Variants in IFI16 observed in about 807,000 individuals in gnomAD.
IFI16 encodes interferon gamma inducible protein 16.
Under a neutral mutation model 68.4 loss-of-function variants are expected in IFI16, and 49 were observed. The observed-to-expected ratio is 0.72, with a 90% CI of 0.57 to 0.91. The LOEUF is 0.91. IFI16 is among the 40% of genes least tolerant of loss of function. The pLI is 0.00. For missense variants in IFI16, 878 were observed against 942.9 expected, an observed-to-expected ratio of 0.93 and a Z score of 0.90; for synonymous variants, 307 against 315.0, an observed-to-expected ratio of 0.97 and a Z score of 0.27.
At chr1:159,030,375 T>A (rs1557872088) in intron 6 of IFI16, among the ~76,000 whole-genome samples, 1 of 152,312 alleles carries the variant, frequency 6.6e-6, no homozygotes, top group South Asian at 2.1e-4. Context: ...GAACCTTGTT[T>A]TGACATATTA....
intron 1 of IFI16, 25 bp from the exon 2 acceptor site, chr1:159,014,636 C>T (rs780347316): frequency 6.8e-7 from 1 of 1,480,350 alleles, no homozygotes; most frequent in Admixed American, 2.0e-5. Context: ...ATGTGTAACA[C>T]TGTATATACC....
intron 6 of IFI16, among the ~76,000 whole-genome samples, chr1:159,022,837 G>A (rs964016870): frequency 9.9e-5 from 15 of 152,232 alleles, no homozygotes; most frequent in Admixed American, 2.0e-4. Context: ...CTAATTAGAT[G>A]GGGAGGAAAG....
rs183364085 is a variant in IFI16, at chr1:159,018,541, T to G, written c.862T>G (p.Phe288Val). 3 of 1,613,864 alleles carry G rather than the reference T, an allele frequency of 1.9e-6. No homozygotes were observed. Among genetic ancestry groups the G allele is most frequent in the Non-Finnish European group, 1.7e-6 (2 of 1,179,776 alleles). The stretch of plus-strand genomic sequence containing the variant: ...ATCTGAAGCTGGTCCTAACCAAACG[T>G]TTGAGGTTCCAAATAAAATCATCAA... ...TVSEAGPNQTFEVPNKIINRA... is the reference protein window; with the variant it reads ...TVSEAGPNQTVEVPNKIINRA... Residue 288 changes from phenylalanine (F) to valine (V), a missense_variant, in exon 5 of 12, where the codon TTT becomes GTT. Coordinates refer to ENST00000295809, the MANE Select transcript of IFI16 (RefSeq NM_001376587.1).
chr1:159,036,681 T>C (rs16841571), intron 7 of IFI16, among the ~76,000 whole-genome samples: 4,133 of 152,330 alleles, frequency 0.027, 129 homozygotes, highest in African/African-American at 0.068. Flanking sequence ...AATCAGGTGC[T>C]GTAAGTCTCT....
chr1:159,042,253 T>A (rs1474038906), intron 7 of IFI16, among the ~76,000 whole-genome samples: 1 of 152,214 alleles, frequency 6.6e-6, no homozygotes, highest in Non-Finnish European at 1.5e-5. Context: ...TATTCCTGGT[T>A]TTGATTGGAA....
At chr1:159,022,467 C>A (rs1245194186) in intron 6 of IFI16, among the ~76,000 whole-genome samples, 1 of 152,208 alleles carries the variant, frequency 6.6e-6, no homozygotes, top group African/African-American at 2.4e-5. Context: ...GACGCGGCCA[C>A]CCTCCTGCTG....
At chr1:159,020,654 C>A (rs1653253977) in intron 6 of IFI16, 125 bp downstream of exon 6, 2 of 580,024 alleles carry the variant, frequency 3.4e-6, no homozygotes, top group South Asian at 5.6e-5. Context: ...AACAGATATT[C>A]TCCTTGTATT....
chr1:159,048,779 A>G (rs1258630747), intron 8 of IFI16, among the ~76,000 whole-genome samples: 1 of 151,642 alleles, frequency 6.6e-6, no homozygotes, highest in Non-Finnish European at 1.5e-5. Flanking sequence ...ATGTGATTTT[A>G]GAGATATTCT....
upstream of IFI16, among the ~76,000 whole-genome samples, chr1:159,002,705 C>A (rs1490109453): frequency 7.2e-5 from 11 of 152,174 alleles, no homozygotes; most frequent in Admixed American, 5.2e-4. Context: ...TGTGGTCAAG[C>A]ATTTGTGTGC....
At chr1:159,050,495 A>C (rs1487742641) in intron 9 of IFI16, among the ~76,000 whole-genome samples, 1 of 152,200 alleles carries the variant, frequency 6.6e-6, no homozygotes, top group East Asian at 1.9e-4. Context: ...AAAATTGGCC[A>C]CATTGATGAG....
chr1:159,007,504 T>C (rs1652302633), upstream of IFI16, among the ~76,000 whole-genome samples: 1 of 152,206 alleles, frequency 6.6e-6, no homozygotes, highest in Non-Finnish European at 1.5e-5. Flanking sequence ...TGAATTTGGC[T>C]CCAACACTAA....
intron 4 of IFI16, among the ~76,000 whole-genome samples, chr1:159,017,880 T>C (rs1653034772): frequency 6.6e-6 from 1 of 152,204 alleles, no homozygotes; most frequent in Admixed American, 6.5e-5. Context: ...AGTGCTGAGA[T>C]TACAGGTGTG....
At chr1:159,049,319 G>A in intron 8 of IFI16, 113 bp from the exon 9 acceptor site, 1 of 602,554 alleles carries the variant, frequency 1.7e-6, no homozygotes. Context: ...GAAAAACAGA[G>A]AAACTGGCAA....
chr1:159,036,030 T>C (rs1217037201), intron 7 of IFI16, among the ~76,000 whole-genome samples: 1 of 152,186 alleles, frequency 6.6e-6, no homozygotes, highest in Non-Finnish European at 1.5e-5. Flanking sequence ...AAGCTTCCCA[T>C]ACCAACTCGA....
At chr1:159,025,001 T>C (rs1217026772) in intron 6 of IFI16, among the ~76,000 whole-genome samples, 7 of 152,172 alleles carry the variant, frequency 4.6e-5, no homozygotes, top group Non-Finnish European at 8.8e-5. Flanking sequence ...AGTTTTTTTT[T>C]TTAATCTTTT....
rs912873973 is a variant in IFI16, at chr1:159,011,663, T to C, written c.-21+1502T>C. Among the ~76,000 whole-genome samples the C allele has an allele frequency of 2.5e-4, 12 of 48,080 alleles. No homozygotes were observed. In the Admixed American group the frequency reaches 2.7e-3, roughly 11 times the overall value. The allele number at this position is 48,080 out of a possible 152,430, so 31.5% of individuals were successfully genotyped here. A position where few individuals can be genotyped will look rare whatever the true frequency, so the allele number is the denominator to read the frequency against. ...CATAATTTTCTAGGAGTTGAAACTT[T>C]TATCATGTGGTATCTGAAGTTACTT... On this transcript the variant is annotated intron_variant, in intron 1 of 11. Transcript: ENST00000295809.
upstream of IFI16, among the ~76,000 whole-genome samples, chr1:159,003,247 G>A (rs1312325110): frequency 6.6e-6 from 1 of 152,166 alleles, no homozygotes; most frequent in Non-Finnish European, 1.5e-5. Context: ...AGACTAAGCT[G>A]ATAGAAAATC....
At chr1:159,001,924 T>G (rs1571813996), upstream of IFI16, among the ~76,000 whole-genome samples, 1 of 152,182 alleles carries the variant, frequency 6.6e-6, no homozygotes, top group Admixed American at 6.5e-5. Flanking sequence ...CACACTGTAG[T>G]TGAGAAGTAT....
upstream of IFI16, among the ~76,000 whole-genome samples, chr1:159,004,222 C>T (rs1308121851): frequency 6.6e-6 from 1 of 151,904 alleles, no homozygotes; most frequent in African/African-American, 2.4e-5. Flanking sequence ...GCCTGTAATC[C>T]CAGCACTTTG....
Sources: gnomAD v4.1 joint callset for allele counts (sites outside exome capture counted in the v4.1 genomes callset) on GRCh38, gnomAD v4.1.1 for gene constraint, MANE v1.5 for transcripts, NCBI Gene and HGNC (gene_info 2026-07-23, HGNC 2026-07-21) for gene names.